Variants in SLITRK2 observed in about 807,000 individuals in gnomAD.
SLITRK2 encodes SLIT and NTRK-like protein 2.
A neutral mutation model predicts 35.4 loss-of-function variants in SLITRK2; 13 were observed. That is an observed-to-expected ratio of 0.37 (90% CI 0.24 to 0.58). The LOEUF (loss-of-function observed/expected upper bound fraction) is 0.58, where lower values mean the gene tolerates loss of function less well. Ranked by LOEUF, SLITRK2 falls within the 20% of genes least tolerant of loss-of-function variation. SLITRK2 has a pLI of 0.75. For synonymous variants in SLITRK2, 294 were observed against 264.7 expected, an observed-to-expected ratio of 1.11 and a Z score of -1.07; for missense variants, 471 against 634.3, an observed-to-expected ratio of 0.74 and a Z score of 2.76.
In SLITRK2 at chrX:145,824,987, G is replaced by A. The variant is rs2124218449; in HGVS notation, c.*24G>A. 1 of 1,183,880 alleles carries A rather than the reference G, an allele frequency of 8.4e-7. No individual in the cohort carries two copies. Among genetic ancestry groups the A allele is most frequent in the Non-Finnish European group, 1.1e-6 (1 of 882,884 alleles). On this transcript the variant is annotated 3_prime_UTR_variant, in exon 5 of 5. Transcript: ENST00000335565. ...GAAGGGAAATCATTTACAACCCTAA[G>A]GCATCAGAGGATGCTGCTCCGAACT...
rs1414293060 is a variant in SLITRK2, at chrX:145,825,418, C to T, written c.*455C>T. 2 of 126,296 alleles carry T rather than the reference C, an allele frequency of 1.6e-5. No homozygotes were observed. Among genetic ancestry groups the T allele is most frequent in the Admixed American group, 1.9e-4 (2 of 10,590 alleles). The allele number at this position is 126,296 out of a possible 1,213,427, so 10.4% of individuals were successfully genotyped here. On this transcript the variant is annotated 3_prime_UTR_variant, in exon 5 of 5. Coordinates refer to ENST00000335565, the MANE Select transcript of SLITRK2 (RefSeq NM_032539.5). Reference sequence around the variant, plus strand: ...GATCTCCAAAGATCTTTTGTGACTACAACTTCTTTTGTAAATAATGATATA... The same window carrying T: ...GATCTCCAAAGATCTTTTGTGACTATAACTTCTTTTGTAAATAATGATATA...
At chrX:145,821,187 A>AC (rs781917978) in intron 2 of SLITRK2, 161 bp from the exon 3 acceptor site, 50 of 101,894 alleles carry the variant, frequency 4.9e-4, no homozygotes, top group African/African-American at 1.8e-3. Flanking sequence ...TGGGAGAAGA[A>AC]CCCCCCACCC....
In SLITRK2 at chrX:145,824,003, G is replaced by T. The variant is rs1556944593; in HGVS notation, c.1578G>T (p.Leu526=). 6.6e-6 allele frequency: 8 copies of T among 1,209,651 alleles called. No individual in the cohort carries two copies. The South Asian group carries it at 1.4e-4, about 21-fold the overall frequency. The change falls in exon 5 of 5, where the codon CTG becomes CTT. Residue 526 remains leucine, a synonymous_variant. Coordinates refer to ENST00000335565, the MANE Select transcript of SLITRK2 (RefSeq NM_032539.5). ...TCCCGGCTTTCATCCAGATAGATCT[G>T]CAGGAGAACCCCTGGGACTGTACCT... ...DQLPAFIQID[L]QENPWDCTCD...
In SLITRK2 at chrX:145,828,500, T is replaced by G. The variant is rs955193679; in HGVS notation, c.*3537T>G. On this transcript the variant is annotated 3_prime_UTR_variant, in exon 5 of 5. Coordinates refer to ENST00000335565, the MANE Select transcript of SLITRK2 (RefSeq NM_032539.5). ...CATTCAGTAGTTATTGAGTGCTTAT[T>G]TCCTGGGTGCCTGGCTCTAGGCTAT... 16 of 124,293 alleles carry G rather than the reference T, an allele frequency of 1.3e-4. No homozygotes were observed. Among genetic ancestry groups the G allele is most frequent in the Non-Finnish European group, 2.2e-4 (12 of 54,286 alleles). 10.2% of individuals were successfully genotyped at this position (124,293 alleles called of 1,213,427 possible).
At position 145,821,642 on chromosome X, in the gene SLITRK2, C is replaced by G. The variant is rs7053492; in HGVS notation, c.-435C>G. On this transcript the variant is annotated 5_prime_UTR_variant, in exon 3 of 5. Coordinates refer to ENST00000335565, the MANE Select transcript of SLITRK2 (RefSeq NM_032539.5). ...GCCAGCCGGCTCTCCGACCTCCCTACAGAATCGCACCCCAGTCCCTCCCTG... is the reference window on the plus strand; with the variant it reads ...GCCAGCCGGCTCTCCGACCTCCCTAGAGAATCGCACCCCAGTCCCTCCCTG... The G allele has an allele frequency of 0.051, 5,717 of 111,231 alleles. 306 individuals are homozygous for G. The highest frequency in any genetic ancestry group is 0.28 in the East Asian group (951 of 3,420). The allele number at this position is 111,231 out of a possible 1,213,427, so 9.2% of individuals were successfully genotyped here. A position where few individuals can be genotyped will look rare whatever the true frequency, so the allele number is the denominator to read the frequency against.
At position 145,824,946 on chromosome X, in the gene SLITRK2, G is replaced by T. The variant is rs189172454; in HGVS notation, c.2521G>T (p.Ala841Ser). The change falls in exon 5 of 5, where the codon GCA becomes TCA. Residue 841 changes from alanine (A) to serine (S), a missense_variant. Transcript: ENST00000335565. ...CCTCGAAGTTCTGGAAAAACAAACT[G>T]CAATCAGTCAGCTGTGAAGGGAAAT... ...DYLEVLEKQT[A>S]ISQL 40 of 1,206,969 alleles carry T rather than the reference G, an allele frequency of 3.3e-5. No individual in the cohort carries two copies. In the East Asian group the frequency reaches 8.0e-4, roughly 24 times the overall value.
chrX:145,825,349 C>T lies in SLITRK2; in HGVS notation c.*386C>T, dbSNP rs1233443060. On this transcript the variant is annotated 3_prime_UTR_variant, in exon 5 of 5. Coordinates refer to ENST00000335565, the MANE Select transcript of SLITRK2 (RefSeq NM_032539.5). ...TTATAGTGACTGAAGAAAGAATAGG[C>T]AAACTTTTCAAATGAAAATGGATAT... 1 of 147,966 alleles carries T rather than the reference C, an allele frequency of 6.8e-6. No individual in the cohort carries two copies. Among genetic ancestry groups the T allele is most frequent in the Admixed American group, 8.7e-5 (1 of 11,483 alleles). The allele number at this position is 147,966 out of a possible 1,213,427, so 12.2% of individuals were successfully genotyped here.
rs2124205384 is a variant in SLITRK2 at position 145,824,547 on chromosome X, C to T, written c.2122C>T (p.Pro708Ser). ...NPIYMQKEGD[P>S]VAYYRNLQEF... The stretch of plus-strand genomic sequence containing the variant: ...CATCTACATGCAGAAGGAAGGAGAC[C>T]CAGTAGCCTATTACCGAAACCTGCA... Residue 708 changes from proline (P) to serine (S), a missense_variant, in exon 5 of 5, where the codon CCA becomes TCA. Pro to Ser is a moderately conservative substitution (Grantham distance 74, BLOSUM62 -1). Transcript: ENST00000335565. The T allele has an allele frequency of 8.3e-7, 1 of 1,210,294 alleles. No homozygotes were observed. The highest frequency in any genetic ancestry group is 1.1e-6 in the Non-Finnish European group (1 of 895,159).
intron 1 of SLITRK2, chrX:145,818,340 C>G (rs2072924607): frequency 8.9e-6 from 1 of 112,920 alleles, no homozygotes; most frequent in Admixed American, 9.2e-5. Context: ...GTGCCCAAGT[C>G]CCATGGCGAG....
In SLITRK2 at chrX:145,824,887, T is replaced by G; in HGVS notation, c.2462T>G (p.Leu821Ter). ...FVGQSKPNHP[L>*]LQAKPQSEPD... is the part of the protein sequence containing the mutation. ...GGGCAGTCAAAACCCAACCACCCTTTACTGCAAGCTAAGCCGCAATCAGAA... is the reference window on the plus strand; with the variant it reads ...GGGCAGTCAAAACCCAACCACCCTTGACTGCAAGCTAAGCCGCAATCAGAA... The change falls in exon 5 of 5, where the codon TTA becomes TGA. Residue 821 changes from leucine to a stop codon, truncating the protein, a stop_gained. Coordinates refer to ENST00000335565, the MANE Select transcript of SLITRK2 (RefSeq NM_032539.5). LOFTEE classifies it high-confidence loss of function. 8.3e-7 allele frequency: 1 copy of G among 1,211,218 alleles called. No homozygotes were observed. Among genetic ancestry groups the G allele is most frequent in the Non-Finnish European group, 1.1e-6 (1 of 895,349 alleles).
rs1688344327 is a variant in SLITRK2, at chrX:145,822,010, G to T, written c.-187G>T. The T allele has an allele frequency of 1.7e-5, 2 of 116,798 alleles. No individual in the cohort carries two copies. The highest frequency in any genetic ancestry group is 2.5e-4 in the East Asian group (1 of 3,930). The allele number at this position is 116,798 out of a possible 1,213,427, so 9.6% of individuals were successfully genotyped here. ...TTTTTTTTTTTTTCCTAAAGCGATT[G>T]CGATTTCTGCTGGGAGCTCAAGACG... On this transcript the variant is annotated 5_prime_UTR_variant, in exon 4 of 5. Transcript: ENST00000335565.
chrX:145,825,169 C>CTTTTTTTTTTTTTTTTTTT lies in SLITRK2; in HGVS notation c.*210_*228dup, dbSNP rs5904151. On this transcript the variant is annotated 3_prime_UTR_variant, in exon 5 of 5. Transcript: ENST00000335565. ...ATTTCTCTCTCGCTCTCCTCCCCTC[C>CTTTTTTTTTTTTTTTTTTT]TTTTTTTTTTTTTTTTTTTTTTCTT... is the stretch of plus-strand genomic sequence containing the variant. 1.2e-5 allele frequency: 2 copies of CTTTTTTTTTTTTTTTTTTT among 162,322 alleles called. No homozygotes were observed. Among genetic ancestry groups the CTTTTTTTTTTTTTTTTTTT allele is most frequent in the Non-Finnish European group, 1.0e-5 (1 of 95,283 alleles). The allele number at this position is 162,322 out of a possible 1,213,427, so 13.4% of individuals were successfully genotyped here.
At chrX:145,820,805 T>A (rs1287111355) in intron 2 of SLITRK2, 5 of 110,247 alleles carry the variant, frequency 4.5e-5, no homozygotes, top group Non-Finnish European at 9.5e-5. Flanking sequence ...AGAAAAGGGG[T>A]TTGTTTTTGT....
At chrX:145,819,940 G>T (rs2072968068) in intron 1 of SLITRK2, 1 of 112,162 alleles carries the variant, frequency 8.9e-6, no homozygotes, top group African/African-American at 3.3e-5. Context: ...ACCAGCTACA[G>T]GTGGCCCTAG....
rs1340235147 is a variant in SLITRK2, at chrX:145,825,833, T to C, written c.*870T>C. On this transcript the variant is annotated 3_prime_UTR_variant, in exon 5 of 5. Transcript: ENST00000335565. ...ATTAATAATTCATTAATAAAATATATTTAACCCAATATCAGAGTGAATTGA... is the reference window on the plus strand; with the variant it reads ...ATTAATAATTCATTAATAAAATATACTTAACCCAATATCAGAGTGAATTGA... 2.4e-5 allele frequency: 3 copies of C among 122,827 alleles called. No homozygotes were observed. The highest frequency in any genetic ancestry group is 1.9e-4 in the Admixed American group (2 of 10,469). 10.1% of individuals were successfully genotyped at this position (122,827 alleles called of 1,213,427 possible).
Position 145,825,622 on chromosome X carries a change from C to T in SLITRK2, c.*659C>T, listed in dbSNP as rs2073115272. 3 of 123,521 alleles carry T rather than the reference C, an allele frequency of 2.4e-5. No homozygotes were observed. The South Asian group carries it at 1.1e-3, about 45-fold the overall frequency. 10.2% of individuals were successfully genotyped at this position (123,521 alleles called of 1,213,427 possible). On this transcript the variant is annotated 3_prime_UTR_variant, in exon 5 of 5. Transcript: ENST00000335565. ...ACTGTAAAATAGATTGATGTGTCAG[C>T]TATATTAAGTCAACGTACAGTTTGC...
At position 145,823,387 on chromosome X, in the gene SLITRK2, G is replaced by A. The variant is rs2124173301; in HGVS notation, c.962G>A (p.Arg321Lys). The A allele has an allele frequency of 1.7e-6, 2 of 1,211,941 alleles. No homozygotes were observed. The highest frequency in any genetic ancestry group is 5.9e-5 in the East Asian group (2 of 33,830). Reference protein sequence around the residue: ...PTPRVTVSKDRQSFGPIMVYQ... With the variant: ...PTPRVTVSKDKQSFGPIMVYQ... The stretch of plus-strand genomic sequence containing the variant: ...CCTCGAGTGACTGTGTCAAAGGACA[G>A]GCAAAGTTTTGGACCCATCATGGTG... Residue 321 changes from arginine to lysine, a missense_variant, in exon 5 of 5, where the codon AGG (arginine) becomes AAG (lysine). This residue lies in a region of SLITRK2 where 56 missense variants were observed against 48.7 expected (regional missense o/e 1.15). Transcript: ENST00000335565.
intron 1 of SLITRK2, chrX:145,818,990 T>C (rs1429849915): frequency 9.0e-6 from 1 of 111,660 alleles, no homozygotes; most frequent in Non-Finnish European, 1.9e-5. Flanking sequence ...AAAGCAGCTG[T>C]GGACTCTCAA....
chrX:145,820,567 T>G (rs1388678759), intron 2 of SLITRK2, 31 bp downstream of exon 2: 1 of 111,383 alleles, frequency 9.0e-6, no homozygotes, highest in Non-Finnish European at 1.9e-5. Flanking sequence ...GGATTCCTTT[T>G]CCATCTCCTC....
Sources: gnomAD v4.1 joint callset for allele counts on GRCh38, gnomAD v4.1.1 for gene constraint, gnomAD v4.1.1 regional missense constraint, MANE v1.5 for transcripts, NCBI Gene and HGNC (gene_info 2026-07-23, HGNC 2026-07-21) for gene names.